ESRP1: variants seen among roughly 807,000 people sequenced by gnomAD.
ESRP1 encodes epithelial splicing regulatory protein 1.
A neutral mutation model predicts 81.7 loss-of-function variants in ESRP1; 33 were observed. The observed-to-expected ratio is 0.40, with a 90% CI of 0.31 to 0.54. The LOEUF is 0.54. ESRP1 is among the 20% of genes least tolerant of loss of function. The pLI is 0.41. For synonymous variants in ESRP1, 320 were observed against 303.3 expected (o/e 1.06, Z -0.57); for missense variants, 672 against 833.1 (o/e 0.81, Z 2.38).
intron 10 of ESRP1, among the ~76,000 whole-genome samples, chr8:94,668,967 A>C (rs1819167079): frequency 6.6e-6 from 1 of 152,010 alleles, no homozygotes; most frequent in African/African-American, 2.4e-5. Flanking sequence ...TAAGTTTTGA[A>C]TTTTTAATGG....
intron 4 of ESRP1, among the ~76,000 whole-genome samples, chr8:94,650,721 A>AT (rs60954289): frequency 0.19 from 28,370 of 151,004 alleles, 2,749 homozygotes; most frequent in Middle Eastern, 0.2. Context: ...AATCATTTTT[A>AT]TTTTTTTTTG....
rs55760931 is a variant in ESRP1, at chr8:94,705,903, C to CTTTTTTTTTTT, written c.*36-14_*36-4dup. 12 of 1,369,058 alleles carry CTTTTTTTTTTT rather than the reference C, an allele frequency of 8.8e-6. 1 individual carries two copies. The highest frequency in any genetic ancestry group is 5.1e-4 in the Middle Eastern group (2 of 3,946). The allele number at this position is 1,369,058 out of a possible 1,614,324, so 84.8% of individuals were successfully genotyped here. A position where few individuals can be genotyped will look rare whatever the true frequency, so the allele number is the denominator to read the frequency against. On this transcript the variant is annotated intron_variant, in intron 15 of 15. Coordinates refer to ENST00000433389, the MANE Select transcript of ESRP1 (RefSeq NM_017697.4). ...AGACTATAACATTTCCTTTTATTCA[C>CTTTTTTTTTTT]TTTTTTTTTTTTTTTTTTCAGTGTT...
chr8:94,660,709 C>CA (rs60316449), intron 4 of ESRP1, among the ~76,000 whole-genome samples: 569 of 43,538 alleles, frequency 0.013, 23 homozygotes, highest in Non-Finnish European at 0.015. Flanking sequence ...GAGACTATCT[C>CA]AAAAAAAAAA....
At chr8:94,681,317 C>A (rs1422147506) in intron 13 of ESRP1, among the ~76,000 whole-genome samples, 3 of 94,920 alleles carry the variant, frequency 3.2e-5, no homozygotes, top group South Asian at 8.5e-4. Context: ...CAGAGCAAGA[C>A]TCCATCTCAA....
intron 13 of ESRP1, 47 bp from the exon 14 acceptor site, chr8:94,692,630 C>T: frequency 6.4e-7 from 1 of 1,572,762 alleles, no homozygotes; most frequent in Non-Finnish European, 8.7e-7. Flanking sequence ...AGTAAGTATT[C>T]AACATTGTCT....
At chr8:94,663,339 G>A (rs1204730891) in intron 6 of ESRP1, among the ~76,000 whole-genome samples, 1 of 152,030 alleles carries the variant, frequency 6.6e-6, no homozygotes, top group African/African-American at 2.4e-5. Context: ...TCCGCCTCCC[G>A]GGTTCAAGCG....
intron 13 of ESRP1, among the ~76,000 whole-genome samples, chr8:94,691,927 C>G (rs1244286559): frequency 6.6e-6 from 1 of 151,982 alleles, no homozygotes; most frequent in East Asian, 1.9e-4. Flanking sequence ...AGGTAGAAAA[C>G]AGAGTGGGTG....
intron 15 of ESRP1, among the ~76,000 whole-genome samples, chr8:94,697,912 C>G (rs1485628277): frequency 6.6e-6 from 1 of 152,108 alleles, no homozygotes; most frequent in African/African-American, 2.4e-5. Flanking sequence ...TCCCGAGTAG[C>G]TGGGATTACA....
At chr8:94,642,144 G>T in intron 2 of ESRP1, 60 bp downstream of exon 2, 2 of 1,572,838 alleles carry the variant, frequency 1.3e-6, no homozygotes, top group South Asian at 1.2e-5. Flanking sequence ...CGCACCCTAC[G>T]CCCTCTCAGG....
At chr8:94,654,950 G>A (rs963860942) in intron 4 of ESRP1, among the ~76,000 whole-genome samples, 2 of 151,450 alleles carry the variant, frequency 1.3e-5, no homozygotes, top group Non-Finnish European at 2.9e-5. Context: ...AAAGTAAGCT[G>A]AGAAGTAAGG....
intron 12 of ESRP1, 141 bp from the exon 13 acceptor site, chr8:94,678,062 G>A (rs936146566): frequency 1.4e-5 from 11 of 810,898 alleles, no homozygotes; most frequent in Non-Finnish European, 2.1e-5. Context: ...TAATCAAAAG[G>A]AAATTGCTTG....
intron 4 of ESRP1, among the ~76,000 whole-genome samples, chr8:94,649,179 T>G (rs1010565977): frequency 6.6e-6 from 1 of 152,210 alleles, no homozygotes; most frequent in African/African-American, 2.4e-5. Flanking sequence ...ACCATTATAC[T>G]CCAGCCCAGG....
At chr8:94,655,709 G>A (rs555504801) in intron 4 of ESRP1, among the ~76,000 whole-genome samples, 29 of 151,992 alleles carry the variant, frequency 1.9e-4, no homozygotes, top group African/African-American at 7.0e-4. Context: ...CTGACCATCT[G>A]GTGAAACCCT....
chr8:94,677,305 G>A (rs1808686020), intron 12 of ESRP1, among the ~76,000 whole-genome samples: 1 of 152,198 alleles, frequency 6.6e-6, no homozygotes, highest in South Asian at 2.1e-4. Flanking sequence ...TTCTAGGTAT[G>A]AAGCTTAAAG....
Position 94,665,219 on chromosome 8 carries a change from G to A in ESRP1, c.931+23G>A, listed in dbSNP as rs373659358. 158 of 1,607,258 alleles carry A rather than the reference G, an allele frequency of 9.8e-5. 1 individual carries two copies. The African/African-American group carries it at 1.9e-3, about 20-fold the overall frequency. ...GTGGTAAGTGCCTTTTACATAATGT[G>A]GCTTTAGTTAATAAGAATCTAAAAA... On this transcript the variant is annotated intron_variant, in intron 9 of 15. Coordinates refer to ENST00000433389, the MANE Select transcript of ESRP1 (RefSeq NM_017697.4).
rs1809604821 is a variant in ESRP1, at chr8:94,696,333, GTT to G, written c.1972-515_1972-514del. On this transcript the variant is annotated intron_variant, in intron 14 of 15. Transcript: ENST00000433389. ...CCTTTTACATTTTCAATAGATGCTA[GTT>G]TTTGTTTCTCTTCAAGTACTGATTA... Among the ~76,000 whole-genome samples the G allele has an allele frequency of 2.0e-5, 3 of 152,294 alleles. No individual in the cohort carries two copies. In the South Asian group the frequency reaches 6.2e-4, roughly 32 times the overall value.
chr8:94,702,138 A>G (rs1203698199), intron 15 of ESRP1, among the ~76,000 whole-genome samples: 2 of 152,212 alleles, frequency 1.3e-5, no homozygotes, highest in African/African-American at 4.8e-5. Context: ...TGTCATGATT[A>G]TAATAATCAT....
chr8:94,643,187 T>G (rs2303451), intron 2 of ESRP1, 116 bp from the exon 3 acceptor site: 4 of 641,456 alleles, frequency 6.2e-6, no homozygotes, highest in Non-Finnish European at 1.1e-5. Flanking sequence ...CCAGCACCGG[T>G]GTCACCCATC....
chr8:94,653,234 G>T (rs1167421235), intron 4 of ESRP1, among the ~76,000 whole-genome samples: 1 of 152,098 alleles, frequency 6.6e-6, no homozygotes, highest in Non-Finnish European at 1.5e-5. Context: ...TAAAGGATTT[G>T]GGTGTGTGTG....
Sources: allele counts gnomAD v4.1 joint callset (sites outside exome capture counted in the v4.1 genomes callset), GRCh38; gene constraint gnomAD v4.1.1; transcripts MANE v1.5; gene names NCBI Gene and HGNC (gene_info 2026-07-23, HGNC 2026-07-21).